Variants in PTPRU observed in about 807,000 individuals in gnomAD.
The protein encoded by PTPRU is protein tyrosine phosphatase receptor type U.
Under a neutral mutation model 166.3 loss-of-function variants are expected in PTPRU, and 69 were observed. The observed-to-expected ratio is 0.41, with a 90% CI of 0.34 to 0.51. The LOEUF (loss-of-function observed/expected upper bound fraction) is 0.51, where lower values mean the gene tolerates loss of function less well. Ranked by LOEUF, PTPRU falls within the 20% of genes least tolerant of loss-of-function variation. The pLI, the probability that PTPRU is intolerant of heterozygous loss-of-function variation, is 0.09. For synonymous variants in PTPRU, 793 were observed against 814.0 expected, an observed-to-expected ratio of 0.97 and a Z score of 0.44; for missense variants, 1,657 against 2,013.7, an observed-to-expected ratio of 0.82 and a Z score of 3.39.
At chr1:29,318,456 C>T (rs1332199821) in intron 25 of PTPRU, among the ~76,000 whole-genome samples, 1 of 152,190 alleles carries the variant, frequency 6.6e-6, no homozygotes, top group Non-Finnish European at 1.5e-5. Context: ...GCAAGCAGCT[C>T]AGGAGATGGG....
Position 29,311,279 on chromosome 1 carries a change from C to G in PTPRU, c.2858-177C>G, listed in dbSNP as rs1053211551. 1.6e-6 allele frequency: 1 copy of G among 630,606 alleles called. No individual in the cohort carries two copies. Among genetic ancestry groups the G allele is most frequent in the African/African-American group, 1.8e-5 (1 of 54,538 alleles). 39.1% of individuals were successfully genotyped at this position (630,606 alleles called of 1,614,324 possible). ...CAGGCCCTCTCCTGATGCTACCCAACCTCAGGGCCCTACAGGCATGCGTCA... is the reference window on the plus strand; with the variant it reads ...CAGGCCCTCTCCTGATGCTACCCAAGCTCAGGGCCCTACAGGCATGCGTCA... On this transcript the variant is annotated intron_variant, in intron 19 of 29. Coordinates refer to ENST00000373779, the MANE Select transcript of PTPRU (RefSeq NM_133178.4). This position sits in a 1 kb window ranked among gnomAD's most constrained non-coding sequence, Gnocchi z 4.1.
rs1257755475 is a variant in PTPRU at position 29,319,976 on chromosome 1, T to C, written c.3688-709T>C. 2.0e-5 allele frequency among the ~76,000 whole-genome samples: 3 copies of C among 152,128 alleles called. No individual in the cohort carries two copies. In the East Asian group the frequency reaches 5.8e-4, roughly 29 times the overall value. ...AGTGAGCAGCGTCGGGGCCTGTCAC[T>C]GCCTGGAGAGCCTGGGGCCCCAGAC... On this transcript the variant is annotated intron_variant, in intron 25 of 29. Coordinates refer to ENST00000373779, the MANE Select transcript of PTPRU (RefSeq NM_133178.4).
intron 7 of PTPRU, among the ~76,000 whole-genome samples, chr1:29,267,328 A>G (rs1005383821): frequency 6.6e-6 from 1 of 152,180 alleles, no homozygotes; most frequent in Admixed American, 6.5e-5. Flanking sequence ...ATTCGGTTAT[A>G]TGTAGGGGTC....
At chr1:29,296,457 G>T (rs1279915067) in intron 15 of PTPRU, among the ~76,000 whole-genome samples, 5 of 150,664 alleles carry the variant, frequency 3.3e-5, no homozygotes, top group Non-Finnish European at 7.4e-5. Flanking sequence ...TAAATTCCTG[G>T]GATAAATTCA....
rs1475080150 is a variant in PTPRU, at chr1:29,310,734, C to T, written c.2821-10C>T. The T allele has an allele frequency of 1.7e-5, 27 of 1,613,484 alleles. No individual in the cohort carries two copies. The highest frequency in any genetic ancestry group is 2.3e-5 in the Non-Finnish European group (27 of 1,179,458). On this transcript the variant is annotated splice_polypyrimidine_tract_variant and intron_variant, in intron 18 of 29. Transcript: ENST00000373779. ...CTGGGGTCTAACCGTGCCCTCTCCT[C>T]CTGTTCCAGGGTTACCACAGGTCAA... is the stretch of plus-strand genomic sequence containing the variant.
chr1:29,284,422 C>A (rs1686246099), intron 13 of PTPRU, among the ~76,000 whole-genome samples: 1 of 152,158 alleles, frequency 6.6e-6, no homozygotes, highest in South Asian at 2.1e-4. Flanking sequence ...CCCAGGAGGG[C>A]AAGAGGGTGG....
At chr1:29,303,254 TC>T (rs1687219559) in intron 15 of PTPRU, among the ~76,000 whole-genome samples, 2 of 152,190 alleles carry the variant, frequency 1.3e-5, no homozygotes, top group African/African-American at 4.8e-5. Flanking sequence ...TCCTGGGGGC[TC>T]GGGGGAGGAT....
intron 18 of PTPRU, among the ~76,000 whole-genome samples, chr1:29,309,424 A>C (rs1687548601): frequency 6.6e-6 from 1 of 152,010 alleles, no homozygotes; most frequent in Non-Finnish European, 1.5e-5. Context: ...GGTCCATTCA[A>C]CTCCAAGACT....
intron 26 of PTPRU, among the ~76,000 whole-genome samples, chr1:29,322,245 A>G (rs1234992264): frequency 1.3e-5 from 2 of 152,190 alleles, no homozygotes; most frequent in African/African-American, 4.8e-5. Context: ...CTGCTCAACC[A>G]ACTTTGCCCA....
intron 11 of PTPRU, among the ~76,000 whole-genome samples, chr1:29,282,467 T>C (rs1371820784): frequency 1.3e-5 from 2 of 152,164 alleles, no homozygotes; most frequent in Non-Finnish European, 2.9e-5. Context: ...CCCATCTATC[T>C]TCTGAACAGT....
intron 7 of PTPRU, among the ~76,000 whole-genome samples, chr1:29,269,131 A>G (rs1318509230): frequency 6.8e-6 from 1 of 146,996 alleles, no homozygotes; most frequent in African/African-American, 2.5e-5. Context: ...GCAGCCTTGA[A>G]CTCCTGGGCT....
intron 26 of PTPRU, chr1:29,323,091 T>TAAAAAA: frequency 2.6e-6 from 1 of 378,484 alleles, no homozygotes; most frequent in Non-Finnish European, 5.0e-6. Flanking sequence ...AGGTGTAGCT[T>TAAAAAA]TCTAGCTGCA....
In PTPRU at chr1:29,237,043, T is replaced by C. The variant is rs779109177; in HGVS notation, c.73+326T>C. 1.6e-4 allele frequency among the ~76,000 whole-genome samples: 24 copies of C among 152,218 alleles called. No homozygotes were observed. Among genetic ancestry groups the C allele is most frequent in the Non-Finnish European group, 2.8e-4 (19 of 68,032 alleles). ...TTTGTGTGGCCAAGTGGGTTGTGTG[T>C]GCATCTGAGTTTGGTTGTGTTGCGG... is the stretch of plus-strand genomic sequence containing the variant. On this transcript the variant is annotated intron_variant, in intron 1 of 29. Transcript: ENST00000373779. The surrounding 1 kb of genome is among the most constrained non-coding windows in gnomAD (Gnocchi z 6.4).
At chr1:29,318,615 T>C (rs1348506224) in intron 25 of PTPRU, among the ~76,000 whole-genome samples, 1 of 152,220 alleles carries the variant, frequency 6.6e-6, no homozygotes, top group Non-Finnish European at 1.5e-5. Context: ...TCATATGTTA[T>C]AGATAAAACT....
chr1:29,289,713 G>GT, intron 14 of PTPRU: 1 of 1,613,946 alleles, frequency 6.2e-7, no homozygotes, highest in Non-Finnish European at 8.5e-7. Flanking sequence ...CCTACTACCC[G>GT]TAAGTAGCTC....
At position 29,317,287 on chromosome 1, in the gene PTPRU, C is replaced by A. The variant is rs552468507; in HGVS notation, c.3514-461C>A. On this transcript the variant is annotated intron_variant, in intron 24 of 29. Transcript: ENST00000373779. This position sits in a 1 kb window ranked among gnomAD's most constrained non-coding sequence, Gnocchi z 5.6. ...CCGTGACCAAGGAACGTGACCCCCT[C>A]TCCACGTGCCTGGAGTCCGCTTCTT... 6.6e-6 allele frequency among the ~76,000 whole-genome samples: 1 copy of A among 152,268 alleles called. No individual in the cohort carries two copies. Among genetic ancestry groups the A allele is most frequent in the African/African-American group, 2.4e-5 (1 of 41,532 alleles).
At chr1:29,276,870 A>T (rs929337443) in intron 8 of PTPRU, among the ~76,000 whole-genome samples, 1 of 152,148 alleles carries the variant, frequency 6.6e-6, no homozygotes. Flanking sequence ...AGTTTCTTAG[A>T]TCATTAATAC....
chr1:29,283,770 C>A, intron 12 of PTPRU, 170 bp from the exon 13 acceptor site: 1 of 733,726 alleles, frequency 1.4e-6, no homozygotes, highest in Non-Finnish European at 2.3e-6. Flanking sequence ...CCCCTCTAGG[C>A]CCCGCTCTCA....
chr1:29,317,339 C>G lies in PTPRU; in HGVS notation c.3514-409C>G, dbSNP rs374376280. Among the ~76,000 whole-genome samples the G allele has an allele frequency of 2.0e-5, 3 of 152,258 alleles. No individual in the cohort carries two copies. Among genetic ancestry groups the G allele is most frequent in the East Asian group, 3.9e-4 (2 of 5,180 alleles). On this transcript the variant is annotated intron_variant, in intron 24 of 29. Coordinates refer to ENST00000373779, the MANE Select transcript of PTPRU (RefSeq NM_133178.4). This position sits in a 1 kb window ranked among gnomAD's most constrained non-coding sequence, Gnocchi z 5.6. Reference sequence around the variant, plus strand: ...GAGGGTGTGGGGTTTCAGGGGTTGCCTCAGTGAAGGCACTGGTCAGCTAGT... The same window carrying G: ...GAGGGTGTGGGGTTTCAGGGGTTGCGTCAGTGAAGGCACTGGTCAGCTAGT...
Sources: gnomAD v4.1 joint callset for allele counts (sites outside exome capture counted in the v4.1 genomes callset) on GRCh38, gnomAD v4.1.1 for gene constraint, Gnocchi (gnomAD v3.1) non-coding constraint, MANE v1.5 for transcripts, NCBI Gene and HGNC (gene_info 2026-07-23, HGNC 2026-07-21) for gene names.